Variants in CARMIL1 observed in about 807,000 individuals in gnomAD.
CARMIL1 encodes F-actin-uncapping protein LRRC16A.
In CARMIL1, 90 loss-of-function variants were observed where a neutral mutation model predicts 177.1. The observed-to-expected ratio is 0.51, with a 90% CI of 0.43 to 0.61. CARMIL1 has a LOEUF of 0.61. CARMIL1 is among the 20% of genes least tolerant of loss of function. CARMIL1 has a pLI of 0.00. For missense variants in CARMIL1, 1,380 were observed against 1,667.0 expected (o/e 0.83, Z 3.00); for synonymous variants, 577 against 606.2 (o/e 0.95, Z 0.71).
chr6:25,324,845 G>T (rs1414285570), intron 2 of CARMIL1, among the ~76,000 whole-genome samples: 1 of 152,134 alleles, frequency 6.6e-6, no homozygotes, highest in Admixed American at 6.5e-5. Context: ...TGAGGGCACA[G>T]GTGTGAATGT....
In CARMIL1 at chr6:25,435,402, A is replaced by G. The variant is rs1031077844; in HGVS notation, c.250-81A>G. ...TGTATTAGTATATATCTGTGTGACT[A>G]TGTAGTTTACAATATTTAAAATAAT... is the stretch of plus-strand genomic sequence containing the variant. On this transcript the variant is annotated intron_variant, in intron 4 of 36. Transcript: ENST00000329474. The G allele has an allele frequency of 8.3e-6, 12 of 1,449,596 alleles. 1 individual carries two copies. In the South Asian group the frequency reaches 8.3e-5, roughly 10 times the overall value. 89.8% of individuals were successfully genotyped at this position (1,449,596 alleles called of 1,614,324 possible).
At chr6:25,584,026 C>CTTTTTTTTTTTTTT (rs71544648) in intron 31 of CARMIL1, among the ~76,000 whole-genome samples, 1 of 119,142 alleles carries the variant, frequency 8.4e-6, no homozygotes, top group African/African-American at 3.2e-5. Flanking sequence ...TTTTCTTTTT[C>CTTTTTTTTTTTTTT]TTTTTTTTTT....
At chr6:25,553,606 A>G (rs1290198496) in intron 27 of CARMIL1, among the ~76,000 whole-genome samples, 2 of 152,242 alleles carry the variant, frequency 1.3e-5, no homozygotes, top group Non-Finnish European at 2.9e-5. Flanking sequence ...ATACTAAAGC[A>G]GTAACTAAGA....
At chr6:25,465,777 A>G in intron 8 of CARMIL1, 96 bp from the exon 9 acceptor site, 1 of 766,520 alleles carries the variant, frequency 1.3e-6, no homozygotes, top group East Asian at 2.5e-5. Context: ...AATAATAGAA[A>G]TTAACAGGTG....
intron 12 of CARMIL1, among the ~76,000 whole-genome samples, chr6:25,485,446 C>T (rs934933073): frequency 1.3e-5 from 2 of 152,182 alleles, no homozygotes; most frequent in South Asian, 2.1e-4. Context: ...GACGGAGTCT[C>T]GCTCTGTCGC....
chr6:25,570,022 G>A (rs562338565), intron 29 of CARMIL1, among the ~76,000 whole-genome samples: 57 of 151,880 alleles, frequency 3.8e-4, no homozygotes, highest in Non-Finnish European at 6.8e-4. Flanking sequence ...GGCCCAGGCT[G>A]GAGTGCAGTG....
intron 2 of CARMIL1, among the ~76,000 whole-genome samples, chr6:25,352,816 G>A (rs1193912156): frequency 6.6e-6 from 1 of 152,132 alleles, no homozygotes; most frequent in Non-Finnish European, 1.5e-5. Context: ...GGACAGTCTT[G>A]TTATATCCAA....
intron 2 of CARMIL1, among the ~76,000 whole-genome samples, chr6:25,412,078 A>C (rs1794950968): frequency 6.6e-6 from 1 of 152,226 alleles, no homozygotes; most frequent in Non-Finnish European, 1.5e-5. Flanking sequence ...ACTTGAGGCC[A>C]GACTCAGGCT....
At chr6:25,563,894 T>A in intron 29 of CARMIL1, 1 of 985,218 alleles carries the variant, frequency 1.0e-6, no homozygotes, top group South Asian at 4.7e-5. Context: ...ACAGGTTACA[T>A]CTTTCAAACC....
intron 6 of CARMIL1, 89 bp from the exon 7 acceptor site, chr6:25,450,250 T>C (rs1581986233): frequency 1.1e-6 from 1 of 913,016 alleles, no homozygotes; most frequent in Non-Finnish European, 1.8e-6. Context: ...TAATCAGCAT[T>C]GTCAACATCG....
chr6:25,357,113 G>T (rs1788704250), intron 2 of CARMIL1, among the ~76,000 whole-genome samples: 1 of 151,206 alleles, frequency 6.6e-6, no homozygotes, highest in African/African-American at 2.4e-5. Flanking sequence ...AAGGTTTGAG[G>T]AAATTCTGTG....
Position 25,610,192 on chromosome 6 carries a change from T to TAAGGATTTCTTTTCTC in CARMIL1, c.3979+12_3979+27dup, listed in dbSNP as rs752749700. 718 of 1,609,104 alleles carry TAAGGATTTCTTTTCTC rather than the reference T, an allele frequency of 4.5e-4. No homozygotes were observed. Among genetic ancestry groups the TAAGGATTTCTTTTCTC allele is most frequent in the Non-Finnish European group, 5.6e-4 (659 of 1,177,922 alleles). On this transcript the variant is annotated intron_variant, in intron 36 of 36. Transcript: ENST00000329474. ...CATTTTCACAGGAAGGTAAGGATTG[T>TAAGGATTTCTTTTCTC]AAGGATTTCTTTTCTCTGGGTTAGC...
At chr6:25,534,864 A>C (rs1302976123) in intron 24 of CARMIL1, among the ~76,000 whole-genome samples, 1 of 152,238 alleles carries the variant, frequency 6.6e-6, no homozygotes, top group Non-Finnish European at 1.5e-5. Flanking sequence ...TGAATGGAAT[A>C]AAGAAACCAA....
chr6:25,345,411 C>T (rs766511287), intron 2 of CARMIL1, among the ~76,000 whole-genome samples: 4 of 152,096 alleles, frequency 2.6e-5, no homozygotes, highest in Non-Finnish European at 5.9e-5. Flanking sequence ...CTTCTGCATT[C>T]GTATTTGTAG....
chr6:25,573,538 G>T (rs973352936), intron 29 of CARMIL1, among the ~76,000 whole-genome samples: 1 of 124,140 alleles, frequency 8.1e-6, no homozygotes, highest in Non-Finnish European at 1.6e-5. Flanking sequence ...GCCAAAAGAC[G>T]CCTCTGCCAG....
At chr6:25,451,986 G>GGGGGGGGGGC in intron 8 of CARMIL1, 2 of 112,668 alleles carry the variant, frequency 1.8e-5, no homozygotes, top group Admixed American at 1.1e-4. Context: ...CTAGCATCTT[G>GGGGGGGGGGC]CCCCCCCCTC....
At chr6:25,453,144 T>C (rs1562159601) in intron 8 of CARMIL1, among the ~76,000 whole-genome samples, 2 of 152,180 alleles carry the variant, frequency 1.3e-5, no homozygotes, top group Non-Finnish European at 2.9e-5. Context: ...ATCACTGATA[T>C]TATAAAAGTT....
At chr6:25,373,826 G>A (rs1213116752) in intron 2 of CARMIL1, among the ~76,000 whole-genome samples, 2 of 151,964 alleles carry the variant, frequency 1.3e-5, no homozygotes, top group Admixed American at 1.3e-4. Context: ...CTCGTGATCC[G>A]TCTGCCTCAG....
chr6:25,512,294 A>T (rs1022946716), intron 20 of CARMIL1, among the ~76,000 whole-genome samples: 1 of 152,226 alleles, frequency 6.6e-6, no homozygotes, highest in Non-Finnish European at 1.5e-5. Flanking sequence ...ACCTAAAACC[A>T]TATCTGCAGA....
Sources: gnomAD v4.1 joint callset for allele counts (sites outside exome capture counted in the v4.1 genomes callset) on GRCh38, gnomAD v4.1.1 for gene constraint, MANE v1.5 for transcripts, NCBI Gene and HGNC (gene_info 2026-07-23, HGNC 2026-07-21) for gene names.